RBFOX1: variants seen among roughly 807,000 people sequenced by gnomAD.
RBFOX1 encodes RNA binding fox-1 homolog 1.
A neutral mutation model predicts 57.7 loss-of-function variants in RBFOX1; 8 were observed. The ratio of observed to expected loss-of-function variants is 0.14; its 90% CI spans 0.08 to 0.25. The LOEUF (loss-of-function observed/expected upper bound fraction) is 0.25. RBFOX1 is among the 10% of genes least tolerant of loss of function. RBFOX1 has a pLI of 1.00. For missense variants in RBFOX1, 611 were observed against 548.5 expected, an observed-to-expected ratio of 1.11 and a Z score of -1.14; for synonymous variants, 326 against 222.4, an observed-to-expected ratio of 1.47 and a Z score of -4.15.
At chr16:5,416,551 A>G (rs1202931535) in intron 1 of RBFOX1, among the ~76,000 whole-genome samples, 1 of 152,242 alleles carries the variant, frequency 6.6e-6, no homozygotes, top group Non-Finnish European at 1.5e-5. Context: ...CATAGGTTAT[A>G]GAATTCCAGG....
chr16:5,589,810 C>G (rs951135498), intron 2 of RBFOX1, among the ~76,000 whole-genome samples: 2 of 152,136 alleles, frequency 1.3e-5, no homozygotes, highest in Non-Finnish European at 2.9e-5. Context: ...CTGGCTTGAC[C>G]CCAACTCTAC....
chr16:5,761,466 G>A (rs1324165756), intron 3 of RBFOX1, among the ~76,000 whole-genome samples: 1 of 152,186 alleles, frequency 6.6e-6, no homozygotes, highest in Admixed American at 6.5e-5. Context: ...AAGGAAAGGG[G>A]TTCAATTGAC....
chr16:7,217,520 C>G (rs955954567), intron 4 of RBFOX1, among the ~76,000 whole-genome samples: 10 of 151,888 alleles, frequency 6.6e-5, no homozygotes, highest in East Asian at 1.9e-4. Context: ...GTCCTCTGAC[C>G]TCTTGACTTC....
At chr16:6,876,521 G>A (rs1205041202) in intron 3 of RBFOX1, among the ~76,000 whole-genome samples, 1 of 152,012 alleles carries the variant, frequency 6.6e-6, no homozygotes, top group Non-Finnish European at 1.5e-5. Flanking sequence ...CACACAGTAG[G>A]CATTTAATAT....
chr16:6,601,235 G>A (rs566218231), intron 2 of RBFOX1, among the ~76,000 whole-genome samples: 1 of 152,020 alleles, frequency 6.6e-6, no homozygotes, highest in East Asian at 1.9e-4. Context: ...GCTGAATGAC[G>A]AATTGAACCA....
At chr16:6,680,421 C>G (rs1344099469) in intron 3 of RBFOX1, among the ~76,000 whole-genome samples, 1 of 151,968 alleles carries the variant, frequency 6.6e-6, no homozygotes, top group African/African-American at 2.4e-5. Context: ...TGCCACCACA[C>G]CTGGCTAATT....
At chr16:6,817,578 T>C (rs1424819388) in intron 3 of RBFOX1, among the ~76,000 whole-genome samples, 1 of 148,930 alleles carries the variant, frequency 6.7e-6, no homozygotes, top group African/African-American at 2.5e-5. Flanking sequence ...TGGTGGCGCA[T>C]GCGTGTAATT....
chr16:7,312,366 G>A lies in RBFOX1; in HGVS notation c.28-205781G>A, dbSNP rs543048685. Among the ~76,000 whole-genome samples, 4 of 152,372 alleles carry A rather than the reference G, an allele frequency of 2.6e-5. No homozygotes were observed. The South Asian group carries it at 8.3e-4, about 32-fold the overall frequency. On this transcript the variant is annotated intron_variant, in intron 4 of 15. Coordinates refer to ENST00000550418, the MANE Select transcript of RBFOX1 (RefSeq NM_018723.4). ...TTGCACTCCAGCCTGGGCAACAAGAGTGAAACTCTTTCTCAACAGCAGCAA... is the reference window on the plus strand; with the variant it reads ...TTGCACTCCAGCCTGGGCAACAAGAATGAAACTCTTTCTCAACAGCAGCAA...
chr16:6,889,163 C>A (rs2064841386), intron 3 of RBFOX1, among the ~76,000 whole-genome samples: 2 of 152,268 alleles, frequency 1.3e-5, no homozygotes, highest in East Asian at 1.9e-4. Context: ...TTCAGTAGAT[C>A]CCATTGTTAC....
intron 4 of RBFOX1, among the ~76,000 whole-genome samples, chr16:5,992,669 C>T (rs1008909345): frequency 6.6e-6 from 1 of 152,150 alleles, no homozygotes; most frequent in South Asian, 2.1e-4. Flanking sequence ...CGTGGTGGCT[C>T]ACATCTGTAA....
At position 5,788,534 on chromosome 16, in the gene RBFOX1, C is replaced by A. The variant is rs192198393; in HGVS notation, c.319-78769C>A. On this transcript the variant is annotated intron_variant, in intron 3 of 19. Transcript: ENST00000641259. ...GTCCCAGCTAGTTGGGAGGCTGAGG[C>A]AGGAGCATTGCTTGAACCCGGGAGG... Among the ~76,000 whole-genome samples, 8 of 152,108 alleles carry A rather than the reference C, an allele frequency of 5.3e-5. No homozygotes were observed. The East Asian group carries it at 1.5e-3, about 29-fold the overall frequency.
intron 4 of RBFOX1, among the ~76,000 whole-genome samples, chr16:7,068,203 T>A (rs1021163580): frequency 3.3e-5 from 5 of 152,112 alleles, no homozygotes; most frequent in Non-Finnish European, 7.4e-5. Context: ...CCATGTACCA[T>A]AGCATACATA....
chr16:7,251,835 C>T (rs575308526), intron 4 of RBFOX1, among the ~76,000 whole-genome samples: 2 of 152,236 alleles, frequency 1.3e-5, no homozygotes, highest in East Asian at 3.9e-4. Flanking sequence ...ATTTCGTTTC[C>T]TTTGGATATA....
intron 1 of RBFOX1, among the ~76,000 whole-genome samples, chr16:5,447,383 T>TCTCTCTCTCC (rs2068279051): frequency 6.8e-6 from 1 of 147,592 alleles, no homozygotes. Context: ...AATCAATCTC[T>TCTCTCTCTCC]CTCTCTCTCT....
At chr16:6,596,302 A>G (rs888912367) in intron 2 of RBFOX1, among the ~76,000 whole-genome samples, 9 of 152,164 alleles carry the variant, frequency 5.9e-5, no homozygotes, top group Non-Finnish European at 1.2e-4. Flanking sequence ...TGGTGAGATA[A>G]GGATTTGCAT....
At chr16:5,446,522 C>T (rs897756861) in intron 1 of RBFOX1, among the ~76,000 whole-genome samples, 4 of 151,944 alleles carry the variant, frequency 2.6e-5, no homozygotes, top group African/African-American at 7.3e-5. Context: ...ATTTGTATTT[C>T]TGGGGAGATC....
intron 2 of RBFOX1, among the ~76,000 whole-genome samples, chr16:6,581,501 G>T (rs1274267571): frequency 6.6e-6 from 1 of 152,164 alleles, no homozygotes; most frequent in African/African-American, 2.4e-5. Flanking sequence ...CCTCTACCCT[G>T]GGCTCTGATG....
At position 6,494,592 on chromosome 16, in the gene RBFOX1, G is replaced by T. The variant is rs755333066; in HGVS notation, c.-63-160011G>T. On this transcript the variant is annotated intron_variant, in intron 2 of 15. Coordinates refer to ENST00000550418, the MANE Select transcript of RBFOX1 (RefSeq NM_018723.4). Reference sequence around the variant, plus strand: ...CAGCTTAACCATTCACCTGTTGAAGGATATCTGGGTTGGCTTTGACCATCA... The same window carrying T: ...CAGCTTAACCATTCACCTGTTGAAGTATATCTGGGTTGGCTTTGACCATCA... Among the ~76,000 whole-genome samples the T allele has an allele frequency of 1.1e-4, 17 of 152,300 alleles. No individual in the cohort carries two copies. The South Asian group carries it at 1.2e-3, about 11-fold the overall frequency.
At chr16:6,508,986 G>T (rs1389703038) in intron 2 of RBFOX1, among the ~76,000 whole-genome samples, 4 of 152,096 alleles carry the variant, frequency 2.6e-5, no homozygotes, top group Non-Finnish European at 5.9e-5. Flanking sequence ...TTTTTATTTT[G>T]TAGGATTTAA....
Sources: gnomAD v4.1 joint callset for allele counts (sites outside exome capture counted in the v4.1 genomes callset) on GRCh38, gnomAD v4.1.1 for gene constraint, MANE v1.5 for transcripts, NCBI Gene and HGNC (gene_info 2026-07-23, HGNC 2026-07-21) for gene names.